Variants in KLF8 observed in about 807,000 individuals in gnomAD.
KLF8 encodes the protein KLF transcription factor 8, also known as Krueppel-like factor 8.
A neutral mutation model predicts 18.2 loss-of-function variants in KLF8; 10 were observed. The ratio of observed to expected loss-of-function variants is 0.55; its 90% CI spans 0.34 to 0.93. The LOEUF is 0.93. KLF8 is among the 40% of genes least tolerant of loss of function. The pLI, the probability that KLF8 is intolerant of heterozygous loss-of-function variation, is 0.02. For missense variants in KLF8, 264 were observed against 277.9 expected (o/e 0.95, Z 0.36); for synonymous variants, 109 against 97.3 (o/e 1.12, Z -0.71).
chrX:55,920,929 A>G, the KLF8 span, among the ~76,000 whole-genome samples: 1 of 112,236 alleles, frequency 8.9e-6, no homozygotes, highest in East Asian at 2.8e-4. Flanking sequence ...TAAAATTCCT[A>G]GTAGAAGAGA....
the KLF8 span, among the ~76,000 whole-genome samples, chrX:56,194,551 G>T: frequency 3.0e-4 from 34 of 112,374 alleles, 1 homozygote; most frequent in Non-Finnish European, 9.4e-5. Context: ...AAATAAAGCA[G>T]CCTGGATGCT....
the KLF8 span, among the ~76,000 whole-genome samples, chrX:56,031,627 A>T: frequency 8.9e-6 from 1 of 111,747 alleles, no homozygotes; most frequent in Non-Finnish European, 1.9e-5. Flanking sequence ...AGTCCTCTGC[A>T]GGGATGCTCC....
chrX:56,069,112 G>A, the KLF8 span, among the ~76,000 whole-genome samples: 3 of 107,559 alleles, frequency 2.8e-5, no homozygotes, highest in South Asian at 4.0e-4. Context: ...CAGATGGCAG[G>A]AGAGGTGACC....
the KLF8 span, among the ~76,000 whole-genome samples, chrX:56,141,986 C>T: frequency 0.014 from 1,553 of 112,030 alleles, 15 homozygotes; most frequent in Non-Finnish European, 0.023. Flanking sequence ...CAAATCAAGA[C>T]TTCTGTGCCT....
chrX:56,174,270 A>G, the KLF8 span, among the ~76,000 whole-genome samples: 1 of 112,036 alleles, frequency 8.9e-6, no homozygotes, highest in Non-Finnish European at 1.9e-5. Flanking sequence ...GATACGTCCC[A>G]TCAATACCTA....
In KLF8 at chrX:56,265,747, A is replaced by G. The variant is rs758595312; in HGVS notation, c.646+3A>G. 3.9e-5 allele frequency: 46 copies of G among 1,191,870 alleles called. No homozygotes were observed. Among genetic ancestry groups the G allele is most frequent in the Non-Finnish European group, 5.2e-5 (46 of 888,880 alleles). On this transcript the variant is annotated splice_donor_region_variant and intron_variant, in intron 3 of 5. Coordinates refer to ENST00000468660, the MANE Select transcript of KLF8 (RefSeq NM_007250.5). ...AGATGGTAAAAATGCTGGATCAGGT[A>G]AGTAACAATATTGCCTCTTTCCTGG... is the stretch of plus-strand genomic sequence containing the variant.
intron 1 of KLF8, among the ~76,000 whole-genome samples, chrX:56,237,389 T>TTA (rs1037181896): frequency 8.3e-5 from 9 of 108,601 alleles, no homozygotes; most frequent in Non-Finnish European, 1.5e-4. Context: ...GTAGTTTCTA[T>TTA]TATATATATA....
chrX:56,086,031 T>C, the KLF8 span, among the ~76,000 whole-genome samples: 5 of 111,516 alleles, frequency 4.5e-5, no homozygotes, highest in African/African-American at 1.6e-4. Context: ...GTTGAACAAA[T>C]TGGATTTATT....
the KLF8 span, among the ~76,000 whole-genome samples, chrX:56,015,737 G>A: frequency 4.3e-4 from 48 of 111,710 alleles, no homozygotes; most frequent in African/African-American, 1.6e-3. Context: ...TTAAGAGGTT[G>A]TTTTAATAGT....
chrX:56,195,640 C>A, the KLF8 span, among the ~76,000 whole-genome samples: 6 of 112,026 alleles, frequency 5.4e-5, no homozygotes, highest in African/African-American at 1.9e-4. Flanking sequence ...AGAATGGAAC[C>A]AAGTTGGAAA....
the KLF8 span, among the ~76,000 whole-genome samples, chrX:55,967,244 T>G: frequency 9.0e-6 from 1 of 111,549 alleles, no homozygotes; most frequent in African/African-American, 3.3e-5. Context: ...AGGAAAGATA[T>G]TAATATCCAA....
chrX:56,250,693 G>T (rs1232919442), intron 2 of KLF8, among the ~76,000 whole-genome samples: 1 of 111,194 alleles, frequency 9.0e-6, no homozygotes, highest in African/African-American at 3.3e-5. Flanking sequence ...GAACCAACAG[G>T]ATATGTGTGT....
At chrX:55,947,897 T>C in the KLF8 span, among the ~76,000 whole-genome samples, 4 of 112,400 alleles carry the variant, frequency 3.6e-5, no homozygotes, top group Admixed American at 9.5e-5. Flanking sequence ...AACATAACTT[T>C]TTCTCATGAA....
the KLF8 span, among the ~76,000 whole-genome samples, chrX:56,176,727 C>T: frequency 8.9e-6 from 1 of 111,797 alleles, no homozygotes; most frequent in Non-Finnish European, 1.9e-5. Flanking sequence ...CTCCCTGTCA[C>T]TTTCAAGTAC....
the KLF8 span, among the ~76,000 whole-genome samples, chrX:56,098,768 C>T: frequency 3.6e-5 from 4 of 110,908 alleles, no homozygotes; most frequent in Admixed American, 9.6e-5. Flanking sequence ...TAAAAAACAC[C>T]CAAATTGGAA....
rs751851618 is a variant in KLF8 at position 56,260,133 on chromosome X, G to A, written c.82-5047G>A. Among the ~76,000 whole-genome samples, 238 of 111,303 alleles carry A rather than the reference G, an allele frequency of 2.1e-3. 1 individual carries two copies. Among genetic ancestry groups the A allele is most frequent in the Middle Eastern group, 4.7e-3 (1 of 214 alleles). On this transcript the variant is annotated intron_variant, in intron 2 of 5. Coordinates refer to ENST00000468660, the MANE Select transcript of KLF8 (RefSeq NM_007250.5). ...TACCTTCTCCTCTGTGGCTCTGTGC[G>A]TTATTCCTCTGTATGTCTCTTATAA...
intron 1 of KLF8, among the ~76,000 whole-genome samples, chrX:56,248,767 C>G (rs191312739): frequency 4.5e-5 from 5 of 111,567 alleles, no homozygotes. Flanking sequence ...TCTTAGAAAT[C>G]AGAAAAAGCT....
At chrX:56,191,307 G>C in the KLF8 span, among the ~76,000 whole-genome samples, 1 of 111,887 alleles carries the variant, frequency 8.9e-6, no homozygotes, top group Non-Finnish European at 1.9e-5. Flanking sequence ...TGAGATTGAA[G>C]CTGTAGTTGA....
the KLF8 span, among the ~76,000 whole-genome samples, chrX:56,223,844 G>A: frequency 8.9e-6 from 1 of 112,530 alleles, no homozygotes; most frequent in Non-Finnish European, 1.9e-5. Context: ...AAAAGCACAA[G>A]CTATTTCTGA....
Sources: gnomAD v4.1 joint callset for allele counts (sites outside exome capture counted in the v4.1 genomes callset) on GRCh38, gnomAD v4.1.1 for gene constraint, MANE v1.5 for transcripts, NCBI Gene and HGNC (gene_info 2026-07-23, HGNC 2026-07-21) for gene names.